The following AK9 variants were observed in gnomAD, a reference collection of about 807,000 sequenced individuals.
AK9 encodes adenylate kinase 9.
AK9 carries 191 observed loss-of-function variants against 239.6 expected under a neutral mutation model. The observed-to-expected ratio is 0.80, with a 90% CI of 0.71 to 0.90. The LOEUF is 0.90. Among genes scored for constraint, AK9 ranks in the 40% least tolerant of loss-of-function variants. The pLI is 0.00. For missense variants in AK9, 1,995 were observed against 2,214.7 expected (o/e 0.90, Z 1.99); for synonymous variants, 689 against 721.0 (o/e 0.96, Z 0.71).
chr6:109,563,045 C>A (rs918421638), intron 24 of AK9, among the ~76,000 whole-genome samples: 2 of 152,160 alleles, frequency 1.3e-5, no homozygotes, highest in African/African-American at 4.8e-5. Flanking sequence ...TGTTGTTTGA[C>A]ACATATATAT....
At chr6:109,676,790 C>A (rs1771816453) in intron 1 of AK9, among the ~76,000 whole-genome samples, 1 of 151,916 alleles carries the variant, frequency 6.6e-6, no homozygotes, top group Admixed American at 6.6e-5. Flanking sequence ...TGCACACATG[C>A]ACACATATGC....
chr6:109,690,368 A>T (rs370783645), intron 1 of AK9: 1 of 152,254 alleles, frequency 6.6e-6, no homozygotes, highest in African/African-American at 2.4e-5. Context: ...GCAAGAAAAG[A>T]AGCTGGTCTG....
chr6:109,497,129 C>G (rs1433836527), intron 38 of AK9, among the ~76,000 whole-genome samples: 2 of 152,052 alleles, frequency 1.3e-5, no homozygotes, highest in Non-Finnish European at 2.9e-5. Flanking sequence ...ACATGTCCCT[C>G]TTTTCCTTCA....
intron 8 of AK9, among the ~76,000 whole-genome samples, chr6:109,656,372 C>A (rs1166800398): frequency 1.3e-5 from 2 of 152,134 alleles, no homozygotes; most frequent in East Asian, 3.9e-4. Context: ...ACTAAATGAA[C>A]AATTCCTTTT....
intron 2 of AK9, among the ~76,000 whole-genome samples, chr6:109,675,109 A>G (rs1026257353): frequency 6.6e-6 from 1 of 152,044 alleles, no homozygotes; most frequent in Non-Finnish European, 1.5e-5. Context: ...TAACAGGAGA[A>G]CCTCCTGGCT....
At position 109,644,690 on chromosome 6, in the gene AK9, T is replaced by G. The variant is rs775704006; in HGVS notation, c.760-2A>C. On this transcript the variant is annotated splice_acceptor_variant, in intron 8 of 40. Coordinates refer to ENST00000424296, the MANE Select transcript of AK9 (RefSeq NM_001145128.3). LOFTEE classifies it high-confidence loss of function. ...GGGATTGTGTTCAGCCATTACTTCCTGCAGATAATAGAAAAGAAACTTTAT... is the reference window on the plus strand; with the variant it reads ...GGGATTGTGTTCAGCCATTACTTCCGGCAGATAATAGAAAAGAAACTTTAT... 2 of 1,607,886 alleles carry G rather than the reference T, an allele frequency of 1.2e-6. No homozygotes were observed. The highest frequency in any genetic ancestry group is 1.7e-6 in the Non-Finnish European group (2 of 1,178,382).
rs774118344 is a variant in AK9 at position 109,618,429 on chromosome 6, GA to G, written c.1399+662del. ...CTCTCATTTTTCCTGGAGAAAAACA[GA>G]AAAAAAAAAACAAAACGCTTTTTGT... On this transcript the variant is annotated intron_variant, in intron 13 of 40. Transcript: ENST00000424296. 1.4e-4 allele frequency among the ~76,000 whole-genome samples: 16 copies of G among 116,498 alleles called. 1 individual carries two copies. In the South Asian group the frequency reaches 1.5e-3, roughly 11 times the overall value. The allele number at this position is 116,498 out of a possible 152,430, so 76.4% of individuals were successfully genotyped here.
intron 10 of AK9, among the ~76,000 whole-genome samples, chr6:109,641,096 T>A (rs924697550): frequency 1.3e-5 from 2 of 150,246 alleles, no homozygotes; most frequent in African/African-American, 4.9e-5. Flanking sequence ...TCCATTTTTA[T>A]AAAAGAATAC....
At chr6:109,643,267 T>C (rs1797674564) in intron 9 of AK9, among the ~76,000 whole-genome samples, 2 of 152,324 alleles carry the variant, frequency 1.3e-5, no homozygotes, top group Admixed American at 1.3e-4. Context: ...AGTGAGGAGC[T>C]TCTCCCTGAG....
At chr6:109,612,749 C>T (rs970979169) in intron 15 of AK9, among the ~76,000 whole-genome samples, 1 of 151,866 alleles carries the variant, frequency 6.6e-6, no homozygotes, top group African/African-American at 2.4e-5. Flanking sequence ...AGCAGGCAAG[C>T]ACATCTGTCT....
intron 8 of AK9, among the ~76,000 whole-genome samples, chr6:109,646,906 C>T (rs1241798092): frequency 1.3e-5 from 2 of 152,216 alleles, no homozygotes; most frequent in Non-Finnish European, 2.9e-5. Context: ...AGAAACTCCA[C>T]AAGCCAGAAG....
chr6:109,493,456 G>C lies in AK9; in HGVS notation c.5649C>G (p.Tyr1883Ter), dbSNP rs1183321363. Reference protein sequence around the residue: ...TYLGAKMTRKYKEPQFRAIDF... With the variant: ...TYLGAKMTRK ...CAATGGCTCTGAACTGAGGTTCCTT[G>C]TATTTTCTGGTCATCTTGGCACCCA... The change falls in exon 41 of 41, where the codon TAC becomes TAG. Residue 1883 changes from tyrosine (Y) to a stop codon, truncating the protein, a stop_gained. Transcript: ENST00000424296. LOFTEE classifies it high-confidence loss of function. 1 of 1,613,964 alleles carries C rather than the reference G, an allele frequency of 6.2e-7. No homozygotes were observed. Among genetic ancestry groups the C allele is most frequent in the Admixed American group, 1.7e-5 (1 of 59,998 alleles).
At chr6:109,573,085 A>G (rs1787626753) in intron 21 of AK9, among the ~76,000 whole-genome samples, 1 of 152,240 alleles carries the variant, frequency 6.6e-6, no homozygotes, top group African/African-American at 2.4e-5. Context: ...ACTTAGAGCA[A>G]CATTAAATAG....
intron 8 of AK9, among the ~76,000 whole-genome samples, chr6:109,647,738 T>C (rs1798280335): frequency 6.6e-6 from 1 of 151,932 alleles, no homozygotes; most frequent in African/African-American, 2.4e-5. Context: ...AACAAGCAGA[T>C]CTAATAGACA....
chr6:109,538,537 G>A (rs1782356746), intron 27 of AK9, among the ~76,000 whole-genome samples: 1 of 152,126 alleles, frequency 6.6e-6, no homozygotes, highest in South Asian at 2.1e-4. Context: ...ACAGCACACT[G>A]ATGGGTCTTG....
intron 27 of AK9, among the ~76,000 whole-genome samples, chr6:109,538,166 C>T (rs559006624): frequency 8.7e-4 from 132 of 152,134 alleles, no homozygotes; most frequent in African/African-American, 3.1e-3. Context: ...TCCTTGTGAA[C>T]TTTCTGTCTC....
At chr6:109,573,362 C>A in intron 21 of AK9, 80 bp downstream of exon 21, 1 of 1,338,216 alleles carries the variant, frequency 7.5e-7, no homozygotes, top group Non-Finnish European at 9.8e-7. Flanking sequence ...ATTTTACCAA[C>A]AGGTATACAT....
At chr6:109,676,333 A>G (rs1270422270) in intron 1 of AK9, among the ~76,000 whole-genome samples, 2 of 152,108 alleles carry the variant, frequency 1.3e-5, no homozygotes, top group African/African-American at 4.8e-5. Context: ...GCGGATTTCT[A>G]GGCACAGAAG....
At chr6:109,598,327 G>C (rs1583186003) in intron 17 of AK9, among the ~76,000 whole-genome samples, 1 of 150,694 alleles carries the variant, frequency 6.6e-6, no homozygotes, top group Non-Finnish European at 1.5e-5. Flanking sequence ...TGCGGTGTTT[G>C]GTTTTTTGTC....
Sources: gnomAD v4.1 joint callset for allele counts (sites outside exome capture counted in the v4.1 genomes callset) on GRCh38, gnomAD v4.1.1 for gene constraint, MANE v1.5 for transcripts, NCBI Gene and HGNC (gene_info 2026-07-23, HGNC 2026-07-21) for gene names.